GRB10: variants seen among roughly 807,000 people sequenced by gnomAD.
GRB10 encodes the protein growth factor receptor-bound protein 10.
A neutral mutation model predicts 80.9 loss-of-function variants in GRB10; 20 were observed. That is an observed-to-expected ratio of 0.25 (90% CI 0.17 to 0.36). The LOEUF is 0.36. Among genes scored for constraint, GRB10 ranks in the 10% least tolerant of loss-of-function variants. The pLI, the probability that GRB10 is intolerant of heterozygous loss-of-function variation, is 1.00. For missense variants in GRB10, 548 were observed against 747.7 expected (o/e 0.73, Z 3.12); for synonymous variants, 291 against 291.5 (o/e 1.00, Z 0.02).
chr7:50,687,008 T>A (rs2062177029), intron 5 of GRB10, among the ~76,000 whole-genome samples: 1 of 152,220 alleles, frequency 6.6e-6, no homozygotes. Context: ...GACCTTACCC[T>A]GAGTCTGGCA....
intron 7 of GRB10, among the ~76,000 whole-genome samples, chr7:50,651,362 C>T (rs1321629707): frequency 6.6e-6 from 1 of 152,202 alleles, no homozygotes; most frequent in East Asian, 1.9e-4. Context: ...CTGCTGGCAT[C>T]TTTGTCATTC....
intron 3 of GRB10, among the ~76,000 whole-genome samples, chr7:50,748,308 C>T (rs1414765834): frequency 6.6e-6 from 1 of 152,216 alleles, no homozygotes; most frequent in Non-Finnish European, 1.5e-5. Context: ...TAGAGATGGA[C>T]ATCAGACAGT....
Position 50,592,895 on chromosome 7 carries a change from C to A in GRB10, c.*57G>T. On this transcript the variant is annotated 3_prime_UTR_variant, in exon 19 of 19. Coordinates refer to ENST00000401949, the MANE Select transcript of GRB10 (RefSeq NM_001350814.2). ...GTGTGTTCTTCACCAACGCACAGACCGCTTCTTCACTCCAGTGTTCACTTC... is the reference window on the plus strand; with the variant it reads ...GTGTGTTCTTCACCAACGCACAGACAGCTTCTTCACTCCAGTGTTCACTTC... The A allele has an allele frequency of 6.3e-7, 1 of 1,594,426 alleles. No homozygotes were observed. Among genetic ancestry groups the A allele is most frequent in the Non-Finnish European group, 8.6e-7 (1 of 1,162,836 alleles).
At chr7:50,639,156 G>A (rs372399173) in intron 7 of GRB10, among the ~76,000 whole-genome samples, 2 of 152,086 alleles carry the variant, frequency 1.3e-5, no homozygotes, top group Non-Finnish European at 2.9e-5. Flanking sequence ...TTCACTATTT[G>A]GGTGATGGGT....
intron 9 of GRB10, 44 bp downstream of exon 9, chr7:50,619,126 A>G (rs1019681363): frequency 8.7e-6 from 10 of 1,152,866 alleles, no homozygotes; most frequent in Middle Eastern, 1.9e-4. Flanking sequence ...AAACTTCAAG[A>G]TTTCAAGAGT....
chr7:50,685,847 G>A (rs1303888990), intron 5 of GRB10, among the ~76,000 whole-genome samples: 2 of 152,132 alleles, frequency 1.3e-5, no homozygotes, highest in Non-Finnish European at 2.9e-5. Flanking sequence ...AAACTGAAAT[G>A]CCCAGGAGAG....
rs772357700 is a variant in GRB10, at chr7:50,595,429, A to G, written c.1638+8T>C. On this transcript the variant is annotated splice_region_variant and intron_variant, in intron 18 of 18. Coordinates refer to ENST00000401949, the MANE Select transcript of GRB10 (RefSeq NM_001350814.2). The stretch of plus-strand genomic sequence containing the variant: ...CACAAGGACTGGTCTGAGAACATCA[A>G]TACTTACAGGTAAGATCTGGAAATT... The G allele has an allele frequency of 1.4e-6, 2 of 1,431,304 alleles. No homozygotes were observed. Among genetic ancestry groups the G allele is most frequent in the Non-Finnish European group, 2.0e-6 (2 of 1,013,402 alleles). 88.7% of individuals were successfully genotyped at this position (1,431,304 alleles called of 1,614,324 possible). A position where few individuals can be genotyped will look rare whatever the true frequency, so the allele number is the denominator to read the frequency against.
chr7:50,620,047 C>T (rs906253580), intron 8 of GRB10, among the ~76,000 whole-genome samples: 2 of 152,288 alleles, frequency 1.3e-5, no homozygotes, highest in Admixed American at 1.3e-4. Flanking sequence ...CCAAGTGGAG[C>T]GGGAAGAACT....
chr7:50,606,024 C>T (rs1448847957), intron 14 of GRB10, among the ~76,000 whole-genome samples: 1 of 152,162 alleles, frequency 6.6e-6, no homozygotes, highest in African/African-American at 2.4e-5. Context: ...AAGCGAAAGG[C>T]AGGAAAGGCA....
At chr7:50,638,189 G>C (rs900142233) in intron 7 of GRB10, among the ~76,000 whole-genome samples, 15 of 152,116 alleles carry the variant, frequency 9.9e-5, no homozygotes, top group African/African-American at 3.4e-4. Flanking sequence ...GAAAACCTAG[G>C]AAAAAACTTT....
At chr7:50,637,784 T>C (rs2108352) in intron 7 of GRB10, among the ~76,000 whole-genome samples, 79,960 of 151,144 alleles carry the variant, frequency 0.53, 21,214 homozygotes, top group Admixed American at 0.55. Flanking sequence ...CCAGAGGTAT[T>C]ATATTACCTG....
At chr7:50,676,474 T>C (rs2060967994) in intron 5 of GRB10, among the ~76,000 whole-genome samples, 1 of 152,166 alleles carries the variant, frequency 6.6e-6, no homozygotes, top group African/African-American at 2.4e-5. Flanking sequence ...GTGATCGTTA[T>C]TAACCTGGCT....
chr7:50,748,283 G>C (rs1231797109), intron 3 of GRB10, among the ~76,000 whole-genome samples: 1 of 152,218 alleles, frequency 6.6e-6, no homozygotes, highest in Non-Finnish European at 1.5e-5. Context: ...TGACGGAGTA[G>C]CCATGTGCTG....
At chr7:50,620,247 C>T (rs543667238) in intron 8 of GRB10, among the ~76,000 whole-genome samples, 67 of 152,234 alleles carry the variant, frequency 4.4e-4, no homozygotes, top group Admixed American at 1.2e-3. Flanking sequence ...GAAGTGATGC[C>T]AAAATGGTAC....
At chr7:50,631,480 T>C (rs2053995120) in intron 7 of GRB10, among the ~76,000 whole-genome samples, 1 of 152,230 alleles carries the variant, frequency 6.6e-6, no homozygotes, top group East Asian at 1.9e-4. Context: ...CAGTGCTTAA[T>C]TATGATCTAG....
chr7:50,640,076 T>G (rs2055933506), intron 7 of GRB10, among the ~76,000 whole-genome samples: 1 of 152,210 alleles, frequency 6.6e-6, no homozygotes, highest in Non-Finnish European at 1.5e-5. Flanking sequence ...CTAGAAAGGT[T>G]TAATCTGGGC....
At chr7:50,680,068 C>A (rs2061383226) in intron 5 of GRB10, among the ~76,000 whole-genome samples, 1 of 152,168 alleles carries the variant, frequency 6.6e-6, no homozygotes, top group African/African-American at 2.4e-5. Flanking sequence ...GAGTATTCTT[C>A]TCTATCATAT....
At chr7:50,630,075 T>C (rs941670164) in intron 7 of GRB10, among the ~76,000 whole-genome samples, 5 of 152,260 alleles carry the variant, frequency 3.3e-5, no homozygotes, top group African/African-American at 1.2e-4. Context: ...TATCCCGGCT[T>C]AGCCTCCTAC....
At chr7:50,595,962 G>A (rs1050777892) in intron 17 of GRB10, 9 of 166,676 alleles carry the variant, frequency 5.4e-5, no homozygotes, top group African/African-American at 7.2e-5. Flanking sequence ...ATCGGAATCC[G>A]TGTCTGTAGT....
Sources: allele counts gnomAD v4.1 joint callset (sites outside exome capture counted in the v4.1 genomes callset), GRCh38; gene constraint gnomAD v4.1.1; transcripts MANE v1.5; gene names NCBI Gene and HGNC (gene_info 2026-07-23, HGNC 2026-07-21).